The following WASF1 variants were observed in gnomAD, a reference collection of about 807,000 sequenced individuals.
The protein encoded by WASF1 is actin-binding protein WASF1.
Under a neutral mutation model 50.5 loss-of-function variants are expected in WASF1, and 7 were observed. The observed-to-expected ratio is 0.14, with a 90% confidence interval of 0.08 to 0.26. The LOEUF is 0.26. Ranked by LOEUF, WASF1 falls within the 10% of genes least tolerant of loss-of-function variation. WASF1 has a pLI of 1.00. For missense variants in WASF1, 470 were observed against 694.7 expected, an observed-to-expected ratio of 0.68 and a Z score of 3.64; for synonymous variants, 205 against 244.0, an observed-to-expected ratio of 0.84 and a Z score of 1.49.
In WASF1 at chr6:110,127,578, G is replaced by A. The variant is rs771557364; in HGVS notation, c.24C>T (p.Ile8=). Residue 8 remains isoleucine, a synonymous_variant, in exon 4 of 11, where the codon ATC becomes ATT. Coordinates refer to ENST00000392589, the MANE Select transcript of WASF1 (RefSeq NM_003931.3). The part of the protein sequence containing the change: MPLVKRN[I]DPRHLCHTAL... ...CTGTGTGGCACAAGTGCCTAGGATC[G>A]ATGTTTCTTTTCACTAGCGGCATCT... The A allele has an allele frequency of 7.0e-6, 11 of 1,566,600 alleles. No homozygotes were observed. The highest frequency in any genetic ancestry group is 1.9e-5 in the Admixed American group (1 of 52,572).
At chr6:110,172,979 C>T (rs1352990188) in intron 2 of WASF1, among the ~76,000 whole-genome samples, 1 of 152,156 alleles carries the variant, frequency 6.6e-6, no homozygotes, top group Non-Finnish European at 1.5e-5. Flanking sequence ...AAATGCTTCA[C>T]TGTTCCTCCC....
At chr6:110,135,876 CTTTTTTTTTTTTTT>C (rs778710982) in intron 3 of WASF1, among the ~76,000 whole-genome samples, 1 of 68,308 alleles carries the variant, frequency 1.5e-5, no homozygotes, top group South Asian at 6.0e-4. Flanking sequence ...AGTCCATTAT[CTTTTTTTTTTTTTT>C]TTTTTTTTTT....
intron 3 of WASF1, among the ~76,000 whole-genome samples, chr6:110,143,433 T>C (rs1775354834): frequency 1.3e-5 from 2 of 151,882 alleles, no homozygotes; most frequent in South Asian, 2.1e-4. Context: ...GGCATATATA[T>C]GTATGAGTAT....
At chr6:110,142,380 T>C (rs540290801) in intron 3 of WASF1, among the ~76,000 whole-genome samples, 1 of 152,316 alleles carries the variant, frequency 6.6e-6, no homozygotes, top group Admixed American at 6.5e-5. Flanking sequence ...AGAGAAAACC[T>C]TTCCTCATCC....
At chr6:110,149,716 G>A (rs1469855941) in intron 3 of WASF1, among the ~76,000 whole-genome samples, 1 of 151,952 alleles carries the variant, frequency 6.6e-6, no homozygotes, top group Non-Finnish European at 1.5e-5. Flanking sequence ...ATTTTTGTCA[G>A]TATACATATT....
chr6:110,176,267 T>C (rs1776924474), intron 2 of WASF1, among the ~76,000 whole-genome samples: 1 of 152,130 alleles, frequency 6.6e-6, no homozygotes, highest in Non-Finnish European at 1.5e-5. Flanking sequence ...ATATCTTTTT[T>C]ATTACTATTT....
intron 4 of WASF1, among the ~76,000 whole-genome samples, chr6:110,115,081 A>C (rs1396113184): frequency 6.6e-6 from 1 of 151,320 alleles, no homozygotes; most frequent in Non-Finnish European, 1.5e-5. Context: ...TGGGTGACAA[A>C]GTGAGACCTT....
chr6:110,104,930 A>T (rs1773254057), intron 8 of WASF1, among the ~76,000 whole-genome samples: 1 of 152,226 alleles, frequency 6.6e-6, no homozygotes. Flanking sequence ...TACAAAAGGG[A>T]TCAATACTTT....
intron 3 of WASF1, among the ~76,000 whole-genome samples, chr6:110,153,166 T>C (rs1775898819): frequency 6.6e-6 from 1 of 152,202 alleles, no homozygotes; most frequent in Admixed American, 6.5e-5. Context: ...TTGTTTTTCT[T>C]GGGTAAATAC....
At chr6:110,110,511 G>A (rs1030809521) in intron 5 of WASF1, among the ~76,000 whole-genome samples, 4 of 152,120 alleles carry the variant, frequency 2.6e-5, no homozygotes, top group Non-Finnish European at 5.9e-5. Flanking sequence ...TAAGAAACAT[G>A]TAAACTAATA....
chr6:110,114,962 T>G (rs1773731000), intron 4 of WASF1, among the ~76,000 whole-genome samples: 2 of 151,878 alleles, frequency 1.3e-5, no homozygotes, highest in Non-Finnish European at 2.9e-5. Context: ...CACGATGGTA[T>G]GTGCCTGTAG....
intron 4 of WASF1, among the ~76,000 whole-genome samples, chr6:110,121,527 G>A (rs143705432): frequency 0.031 from 4,694 of 152,212 alleles, 141 homozygotes; most frequent in South Asian, 0.12. Context: ...TAAAAAGTCA[G>A]GAAACAACAG....
At chr6:110,122,184 T>C (rs1774167278) in intron 4 of WASF1, among the ~76,000 whole-genome samples, 1 of 136,442 alleles carries the variant, frequency 7.3e-6, no homozygotes, top group Admixed American at 7.3e-5. Flanking sequence ...TAAAGTATCA[T>C]AATAAATAAG....
Position 110,129,912 on chromosome 6 carries a change from T to A in WASF1, c.-28-2283A>T, listed in dbSNP as rs1248746139. 4.6e-5 allele frequency among the ~76,000 whole-genome samples: 7 copies of A among 152,306 alleles called. No homozygotes were observed. The East Asian group carries it at 7.7e-4, about 17-fold the overall frequency. On this transcript the variant is annotated intron_variant, in intron 3 of 10. Coordinates refer to ENST00000392589, the MANE Select transcript of WASF1 (RefSeq NM_003931.3). ...ACTGTAATTTTCCCCATTTTTAAAT[T>A]AAGATCATTTTTCATGGTTTCAACT... is the stretch of plus-strand genomic sequence containing the variant.
In WASF1 at chr6:110,107,186, C is replaced by A; in HGVS notation, c.431G>T (p.Gly144Val). 6.4e-7 allele frequency: 1 copy of A among 1,574,452 alleles called. No individual in the cohort carries two copies. Among genetic ancestry groups the A allele is most frequent in the South Asian group, 1.2e-5 (1 of 85,934 alleles). ...LNILTPYRDD[G>V]KEGLKFYTNP... ...GGTATAAAACTTCAGACCTTCTTTA[C>A]CATCATCTCTGAAATATAAAATATC... The change falls in exon 7 of 11, where the codon GGT becomes GTT. Residue 144 changes from glycine to valine, a missense_variant. Gly to Val is a moderately radical substitution (Grantham distance 109). Around this residue, in one of 3 missense-constraint regions of WASF1, gnomAD observed 140 missense variants for 260.5 expected, o/e 0.54. Coordinates refer to ENST00000392589, the MANE Select transcript of WASF1 (RefSeq NM_003931.3).
At chr6:110,112,894 C>CAAA (rs1229766023) in intron 5 of WASF1, among the ~76,000 whole-genome samples, 29 of 75,862 alleles carry the variant, frequency 3.8e-4, no homozygotes, top group Non-Finnish European at 5.2e-4. Context: ...GTGTCTGTCT[C>CAAA]AAAAAAAAAA....
chr6:110,125,888 T>C (rs1001646483), intron 4 of WASF1, among the ~76,000 whole-genome samples: 13 of 152,220 alleles, frequency 8.5e-5, no homozygotes, highest in African/African-American at 2.4e-4. Flanking sequence ...ATGGACTATA[T>C]AGACTTAAAA....
chr6:110,115,824 C>T (rs1345916321), intron 4 of WASF1, among the ~76,000 whole-genome samples: 1 of 152,134 alleles, frequency 6.6e-6, no homozygotes, highest in African/African-American at 2.4e-5. Context: ...AAACTGTGTC[C>T]AGATGTTTTG....
chr6:110,119,582 C>G (rs1173067676), intron 4 of WASF1, among the ~76,000 whole-genome samples: 11 of 152,128 alleles, frequency 7.2e-5, no homozygotes, highest in East Asian at 3.9e-4. Context: ...CAGGACCAGA[C>G]AGATGCACAG....
Sources: allele counts gnomAD v4.1 joint callset (sites outside exome capture counted in the v4.1 genomes callset), GRCh38; gene constraint gnomAD v4.1.1; regional missense constraint gnomAD v4.1.1; transcripts MANE v1.5; gene names NCBI Gene and HGNC (gene_info 2026-07-23, HGNC 2026-07-21).